Variants in RGS1 observed in about 807,000 individuals in gnomAD.
RGS1 encodes B-cell activation protein BL34.
RGS1 carries 11 observed loss-of-function variants against 22.2 expected under a neutral mutation model. The observed-to-expected ratio is 0.50, with a 90% confidence interval of 0.31 to 0.82. RGS1 has a LOEUF of 0.82. RGS1 is among the 40% of genes least tolerant of loss of function. The pLI, the probability that RGS1 is intolerant of heterozygous loss-of-function variation, is 0.04. For synonymous variants in RGS1, 81 were observed against 79.9 expected (o/e 1.01, Z -0.07); for missense variants, 255 against 245.8 (o/e 1.04, Z -0.25).
Position 192,575,875 on chromosome 1 carries a change from G to A in RGS1, c.83G>A (p.Gly28Glu), listed in dbSNP as rs765487757. Reference protein sequence around the residue: ...FFSANPKELKGTTHSLLDDKM... With the variant: ...FFSANPKELKETTHSLLDDKM... The stretch of plus-strand genomic sequence containing the variant: ...TCTGCTAACCCAAAGGAATTGAAAG[G>A]AACCACTCATTCACTTCTAGACGAC... The change falls in exon 1 of 5, where the codon GGA becomes GAA. Residue 28 changes from glycine (G) to glutamate (E), a missense_variant. Coordinates refer to ENST00000367459, the MANE Select transcript of RGS1 (RefSeq NM_002922.4). 1.2e-6 allele frequency: 2 copies of A among 1,613,322 alleles called. No homozygotes were observed. The highest frequency in any genetic ancestry group is 1.7e-6 in the Non-Finnish European group (2 of 1,179,472).
At position 192,575,896 on chromosome 1, in the gene RGS1, A is replaced by G. The variant is rs778516750; in HGVS notation, c.104A>G (p.Asp35Gly). ...ELKGTTHSLL[D>G]DKMQKRRPKT... Reference sequence around the variant, plus strand: ...AAAGGAACCACTCATTCACTTCTAGACGACAAAATGCAAAAAAGGAGGCCA... The same window carrying G: ...AAAGGAACCACTCATTCACTTCTAGGCGACAAAATGCAAAAAAGGAGGCCA... Residue 35 changes from aspartate (D) to glycine (G), a missense_variant, in exon 1 of 5, where the codon GAC becomes GGC. Transcript: ENST00000367459. The G allele has an allele frequency of 2.0e-5, 32 of 1,613,196 alleles. No individual in the cohort carries two copies. The highest frequency in any genetic ancestry group is 1.6e-4 in the Middle Eastern group (1 of 6,080).
At chr1:192,578,903 T>C (rs1662112091) in intron 4 of RGS1, 3 of 477,152 alleles carry the variant, frequency 6.3e-6, no homozygotes, top group Non-Finnish European at 1.1e-5. Flanking sequence ...TGTCTGCTTC[T>C]TTTGCCTCTC....
At chr1:192,578,518 T>C (rs1923948) in intron 4 of RGS1, 133 bp downstream of exon 4, 41 of 934,234 alleles carry the variant, frequency 4.4e-5, no homozygotes, top group Non-Finnish European at 6.2e-5. Context: ...GGCATATAAA[T>C]ATAGTTCAGT....
chr1:192,576,412 G>A, intron 2 of RGS1, 47 bp downstream of exon 2: 1 of 1,357,540 alleles, frequency 7.4e-7, no homozygotes, highest in South Asian at 1.2e-5. Context: ...TACAAGAGAA[G>A]CCTATGCATT....
chr1:192,578,437 A>G, intron 4 of RGS1, 52 bp downstream of exon 4: 1 of 1,584,242 alleles, frequency 6.3e-7, no homozygotes, highest in Non-Finnish European at 8.6e-7. Flanking sequence ...CCCTATATGC[A>G]GAAATAACAT....
In RGS1 at chr1:192,579,326, G is replaced by T. The variant is rs769053580; in HGVS notation, c.*4G>T. The T allele has an allele frequency of 6.2e-7, 1 of 1,611,756 alleles. No homozygotes were observed. Among genetic ancestry groups the T allele is most frequent in the South Asian group, 1.1e-5 (1 of 90,874 alleles). On this transcript the variant is annotated 3_prime_UTR_variant, in exon 5 of 5. Transcript: ENST00000367459. ...GCAGGCTAATAGCCTAAAGTGACTG[G>T]TCCCTGGCTGAAGGGAATTAACAGA...
chr1:192,579,144 T>A lies in RGS1; in HGVS notation c.452T>A (p.Ile151Asn), dbSNP rs1263655161. ...VHSDAAKQIN[I>N]DFRTRESTAK... Reference sequence around the variant, plus strand: ...CAAGGTTTTCTTTTTTAGATCAATATTGACTTCCGCACTCGAGAATCTACA... The same window carrying A: ...CAAGGTTTTCTTTTTTAGATCAATAATGACTTCCGCACTCGAGAATCTACA... Residue 151 changes from isoleucine to asparagine, a missense_variant, in exon 5 of 5, where the codon ATT (isoleucine) becomes AAT (asparagine). Physicochemically the swap from Ile to Asn is moderately radical, Grantham distance 149. Transcript: ENST00000367459. 1.9e-6 allele frequency: 3 copies of A among 1,610,962 alleles called. No homozygotes were observed. Among genetic ancestry groups the A allele is most frequent in the Non-Finnish European group, 2.5e-6 (3 of 1,178,952 alleles).
intron 3 of RGS1, chr1:192,577,894 A>G (rs1033986686): frequency 5.5e-5 from 14 of 255,970 alleles, no homozygotes; most frequent in Admixed American, 3.9e-4. Context: ...AAGATTTGGC[A>G]TATATAAAAG....
intron 1 of RGS1, 177 bp downstream of exon 1, chr1:192,576,106 G>T (rs1662054120): frequency 1.1e-6 from 1 of 927,130 alleles, no homozygotes. Context: ...TCTTGATATG[G>T]CATTAAATTG....
rs1413536387 is a variant in RGS1 at position 192,575,907 on chromosome 1, C to CA, written c.121dup (p.Arg41LysfsTer38). 6.2e-7 allele frequency: 1 copy of CA among 1,611,662 alleles called. No homozygotes were observed. The highest frequency in any genetic ancestry group is 2.2e-5 in the East Asian group (1 of 44,832). On this transcript the variant is annotated frameshift_variant, in exon 1 of 5. Transcript: ENST00000367459. LOFTEE classifies it high-confidence loss of function. The stretch of plus-strand genomic sequence containing the variant: ...TCATTCACTTCTAGACGACAAAATG[C>CA]AAAAAAGGAGGCCAAAGACTTTGTA...
At chr1:192,576,468 C>A in intron 2 of RGS1, 103 bp downstream of exon 2, 1 of 810,088 alleles carries the variant, frequency 1.2e-6, no homozygotes, top group East Asian at 2.6e-5. Flanking sequence ...CAGTAGACTT[C>A]ATTTCTTTTA....
rs1662046127 is a variant in RGS1 at position 192,575,784 on chromosome 1, A to T, written c.-9A>T. 1.2e-6 allele frequency: 2 copies of T among 1,612,990 alleles called. No individual in the cohort carries two copies. The highest frequency in any genetic ancestry group is 1.7e-6 in the Non-Finnish European group (2 of 1,179,216). On this transcript the variant is annotated 5_prime_UTR_variant, in exon 1 of 5. Coordinates refer to ENST00000367459, the MANE Select transcript of RGS1 (RefSeq NM_002922.4). ...AGACGTTGACTAGCGCATATTTGCT[A>T]AGAGCACCATGCGCGCAGCAGCCAT...
chr1:192,576,323 C>T lies in RGS1; in HGVS notation c.176C>T (p.Pro59Leu). Residue 59 changes from proline (P) to leucine (L), a missense_variant, in exon 2 of 5, where the codon CCA (proline) becomes CTA (leucine). Physicochemically the swap from Pro to Leu is moderately conservative, Grantham distance 98. Transcript: ENST00000367459. Reference protein sequence around the residue: ...DMKAYLRSMIPHLESGMKSSK... With the variant: ...DMKAYLRSMILHLESGMKSSK... ...AAAGCATACCTGAGATCTATGATCC[C>T]ACATCTGGAATCTGGAATGAAATCT... is the stretch of plus-strand genomic sequence containing the variant. The T allele has an allele frequency of 1.9e-6, 3 of 1,611,396 alleles. No individual in the cohort carries two copies. Among genetic ancestry groups the T allele is most frequent in the Non-Finnish European group, 2.5e-6 (3 of 1,178,134 alleles).
At chr1:192,578,087 T>C in intron 3 of RGS1, 135 bp from the exon 4 acceptor site, 1 of 1,004,986 alleles carries the variant, frequency 1.0e-6, no homozygotes, top group Non-Finnish European at 1.4e-6. Flanking sequence ...CACAGCTATT[T>C]CAGCAGTAGC....
At chr1:192,578,999 C>A in intron 4 of RGS1, 138 bp from the exon 5 acceptor site, 1 of 783,574 alleles carries the variant, frequency 1.3e-6, no homozygotes, top group Non-Finnish European at 2.0e-6. Flanking sequence ...GCTGATTTTA[C>A]AAAGGCATTT....
Position 192,579,211 on chromosome 1 carries a change from A to G in RGS1, c.519A>G (p.Glu173=). The change falls in exon 5 of 5, where the codon GAA becomes GAG. Residue 173 remains glutamate, a synonymous_variant. Coordinates refer to ENST00000367459, the MANE Select transcript of RGS1 (RefSeq NM_002922.4). ...CACCAACCCCCACGTGTTTTGATGA[A>G]GCACAAAAAGTCATATATACTCTTA... is the stretch of plus-strand genomic sequence containing the variant. ...IKAPTPTCFD[E]AQKVIYTLME... is the part of the protein sequence containing the mutation. The G allele has an allele frequency of 6.2e-7, 1 of 1,613,338 alleles. No homozygotes were observed. Among genetic ancestry groups the G allele is most frequent in the Non-Finnish European group, 8.5e-7 (1 of 1,179,502 alleles).
Position 192,579,357 on chromosome 1 carries a change from T to C in RGS1, c.*35T>C, listed in dbSNP as rs77097241. The C allele has an allele frequency of 8.6e-4, 1,380 of 1,602,034 alleles. 19 individuals are homozygous for C. The East Asian group carries it at 0.026, about 30-fold the overall frequency. The stretch of plus-strand genomic sequence containing the variant: ...GGCTGAAGGGAATTAACAGATAGTA[T>C]CAAGCGCAGAAGGAATGTGCCAGTA... On this transcript the variant is annotated 3_prime_UTR_variant, in exon 5 of 5. Coordinates refer to ENST00000367459, the MANE Select transcript of RGS1 (RefSeq NM_002922.4).
intron 3 of RGS1, 78 bp downstream of exon 3, chr1:192,576,913 C>T: frequency 7.9e-7 from 1 of 1,268,308 alleles, no homozygotes; most frequent in Non-Finnish European, 1.1e-6. Context: ...ATATAGTATT[C>T]TGGGTAGGAT....
In RGS1 at chr1:192,578,232, T is replaced by C. The variant is rs778116545; in HGVS notation, c.291T>C (p.Asn97=). 24 of 1,591,388 alleles carry C rather than the reference T, an allele frequency of 1.5e-5. No individual in the cohort carries two copies. The highest frequency in any genetic ancestry group is 2.1e-5 in the Non-Finnish European group (24 of 1,167,634). ...CTCGTTTCTTTTTAGCTGGTCAAAATGTCTTTGGAAGTTTCCTAAAGTCTG... is the reference window on the plus strand; with the variant it reads ...CTCGTTTCTTTTTAGCTGGTCAAAACGTCTTTGGAAGTTTCCTAAAGTCTG... ...EKLLANQTGQ[N]VFGSFLKSEF... The change falls in exon 4 of 5, where the codon AAT becomes AAC. Residue 97 remains asparagine (N), a synonymous_variant. Transcript: ENST00000367459.
Sources: gnomAD v4.1 joint callset for allele counts on GRCh38, gnomAD v4.1.1 for gene constraint, MANE v1.5 for transcripts, NCBI Gene and HGNC (gene_info 2026-07-23, HGNC 2026-07-21) for gene names.